Variants in METTL15 observed in about 807,000 individuals in gnomAD.
METTL15 encodes 12S rRNA N(4)-cytidine methyltransferase METTL15.
METTL15 carries 34 observed loss-of-function variants against 38.3 expected under a neutral mutation model. The observed-to-expected ratio is 0.89, with a 90% CI of 0.68 to 1.18. METTL15 has a LOEUF of 1.18. Among genes scored for constraint, METTL15 ranks in the 50% most tolerant of loss-of-function variants. METTL15 has a pLI of 0.00. For synonymous variants in METTL15, 162 were observed against 170.9 expected, an observed-to-expected ratio of 0.95 and a Z score of 0.41; for missense variants, 438 against 498.4, an observed-to-expected ratio of 0.88 and a Z score of 1.15.
chr11:28,455,285 A>G (rs1564936050), intron 6 of METTL15, among the ~76,000 whole-genome samples: 1 of 139,028 alleles, frequency 7.2e-6, no homozygotes, highest in East Asian at 2.1e-4. Flanking sequence ...CATGGTATCA[A>G]TTTATCAGTC....
intron 6 of METTL15, among the ~76,000 whole-genome samples, chr11:28,457,652 A>G (rs2133452795): frequency 6.6e-6 from 1 of 152,300 alleles, no homozygotes. Flanking sequence ...GATGTCCTAT[A>G]GGAATCAACT....
chr11:28,113,255 C>A, intron 2 of METTL15, 63 bp from the exon 3 acceptor site: 1 of 1,115,038 alleles, frequency 9.0e-7, no homozygotes, highest in Non-Finnish European at 1.3e-6. Flanking sequence ...ATTTGATTTT[C>A]CCCAAGTATT....
downstream of METTL15, among the ~76,000 whole-genome samples, chr11:28,531,743 T>A (rs1851844267): frequency 3.3e-5 from 5 of 152,074 alleles, no homozygotes; most frequent in South Asian, 1.0e-3. Flanking sequence ...TAGTAATAAT[T>A]GAAACGCTTA....
At position 28,330,866 on chromosome 11, in the gene METTL15, T is replaced by C. The variant is rs1425030642; in HGVS notation, c.*25T>C. Reference sequence around the variant, plus strand: ...AGTTATCATCATCTTATTCTTCAAATTTTTTTCTCACAATTTCTCTAATCT... The same window carrying C: ...AGTTATCATCATCTTATTCTTCAAACTTTTTTCTCACAATTTCTCTAATCT... On this transcript the variant is annotated 3_prime_UTR_variant, in exon 7 of 7. Coordinates refer to ENST00000407364, the MANE Select transcript of METTL15 (RefSeq NM_001113528.2). The C allele has an allele frequency of 2.0e-6, 3 of 1,498,196 alleles. No homozygotes were observed. Among genetic ancestry groups the C allele is most frequent in the African/African-American group, 1.4e-5 (1 of 70,554 alleles). The allele number at this position is 1,498,196 out of a possible 1,614,324, so 92.8% of individuals were successfully genotyped here. A position where few individuals can be genotyped will look rare whatever the true frequency, so the allele number is the denominator to read the frequency against.
At chr11:28,403,748 G>A (rs1386209864) in intron 5 of METTL15, among the ~76,000 whole-genome samples, 1 of 151,906 alleles carries the variant, frequency 6.6e-6, no homozygotes, top group East Asian at 1.9e-4. Context: ...CTAAGAAATG[G>A]GTTAATGTTT....
At chr11:28,410,453 A>C (rs1250990483) in intron 5 of METTL15, among the ~76,000 whole-genome samples, 2 of 152,144 alleles carry the variant, frequency 1.3e-5, no homozygotes, top group Admixed American at 6.5e-5. Context: ...CCCTGCCTGC[A>C]AGACTGATTT....
intron 5 of METTL15, among the ~76,000 whole-genome samples, chr11:28,411,921 A>G (rs775492449): frequency 1.1e-4 from 17 of 152,108 alleles, no homozygotes; most frequent in Non-Finnish European, 2.5e-4. Flanking sequence ...CTGATTTTAA[A>G]ATGGCCAAAG....
intron 3 of METTL15, 41 bp downstream of exon 3, chr11:28,113,645 T>G (rs893008169): frequency 6.3e-7 from 1 of 1,584,192 alleles, no homozygotes. Context: ...TTTGTTGAGA[T>G]AAAATTCACT....
At chr11:28,169,140 G>A (rs1205844300) in intron 3 of METTL15, among the ~76,000 whole-genome samples, 1 of 152,154 alleles carries the variant, frequency 6.6e-6, no homozygotes, top group Non-Finnish European at 1.5e-5. Flanking sequence ...TAATAATGTA[G>A]GCAAATGGTG....
At chr11:28,272,569 G>A (rs1855686944) in intron 4 of METTL15, among the ~76,000 whole-genome samples, 1 of 152,102 alleles carries the variant, frequency 6.6e-6, no homozygotes, top group South Asian at 2.1e-4. Flanking sequence ...TGCCTGCCAG[G>A]GGGTGTGCGT....
At chr11:28,245,312 C>G (rs1003398413) in intron 4 of METTL15, among the ~76,000 whole-genome samples, 1 of 152,124 alleles carries the variant, frequency 6.6e-6, no homozygotes, top group African/African-American at 2.4e-5. Context: ...GAAGACTAAG[C>G]AAATTCCTGT....
intron 6 of METTL15, among the ~76,000 whole-genome samples, chr11:28,490,983 T>G: frequency 6.6e-6 from 1 of 152,194 alleles, no homozygotes; most frequent in Admixed American, 6.6e-5. Flanking sequence ...CTGTCTAAGT[T>G]TAGCAAAAGT....
chr11:28,427,203 A>G (rs1850873101), intron 6 of METTL15, among the ~76,000 whole-genome samples: 2 of 152,106 alleles, frequency 1.3e-5, no homozygotes. Context: ...TTATTTCCCC[A>G]TTGTTTGTTT....
intron 6 of METTL15, among the ~76,000 whole-genome samples, chr11:28,425,741 G>T (rs1471661233): frequency 9.2e-5 from 14 of 152,208 alleles, no homozygotes; most frequent in Admixed American, 1.3e-4. Context: ...AGGCATAGAT[G>T]GTACCTGTAT....
chr11:28,385,236 A>T (rs1477331910), intron 5 of METTL15, among the ~76,000 whole-genome samples: 5 of 152,100 alleles, frequency 3.3e-5, no homozygotes, highest in African/African-American at 1.2e-4. Context: ...TGTTCTGAAT[A>T]GTATTACCTA....
intron 5 of METTL15, among the ~76,000 whole-genome samples, chr11:28,368,384 A>G (rs1263320407): frequency 6.6e-6 from 1 of 152,180 alleles, no homozygotes; most frequent in Non-Finnish European, 1.5e-5. Flanking sequence ...TTATGCAGCC[A>G]ACAGACATAC....
intron 4 of METTL15, among the ~76,000 whole-genome samples, chr11:28,286,937 CTATA>C (rs1856288537): frequency 6.6e-6 from 1 of 151,084 alleles, no homozygotes; most frequent in Admixed American, 6.6e-5. Context: ...ACTCTCCGCA[CTATA>C]TATACATGTA....
intron 4 of METTL15, among the ~76,000 whole-genome samples, chr11:28,248,626 T>C (rs1590216303): frequency 6.6e-6 from 1 of 152,172 alleles, no homozygotes; most frequent in East Asian, 1.9e-4. Context: ...TTTTAGAGAA[T>C]GTACATTTAT....
At chr11:28,327,319 C>T (rs1443955471) in intron 6 of METTL15, among the ~76,000 whole-genome samples, 1 of 152,190 alleles carries the variant, frequency 6.6e-6, no homozygotes, top group Non-Finnish European at 1.5e-5. Context: ...TAAAGTTCCC[C>T]TATTATCTTT....
Sources: allele counts gnomAD v4.1 joint callset (sites outside exome capture counted in the v4.1 genomes callset), GRCh38; gene constraint gnomAD v4.1.1; transcripts MANE v1.5; gene names NCBI Gene and HGNC (gene_info 2026-07-23, HGNC 2026-07-21).